The following ACP7 variants were observed in gnomAD, a reference collection of about 807,000 sequenced individuals.
ACP7 encodes acid phosphatase type 7.
A neutral mutation model predicts 60.6 loss-of-function variants in ACP7; 58 were observed. That is an observed-to-expected ratio of 0.96 (90% CI 0.77 to 1.19). The LOEUF is 1.19. ACP7 is among the 50% of genes most tolerant of loss of function. The probability of loss-of-function intolerance (pLI) is 0.00; values close to 1 mark genes in which losing one functional copy is unlikely to be tolerated. For synonymous variants in ACP7, 237 were observed against 232.6 expected, an observed-to-expected ratio of 1.02 and a Z score of -0.17; for missense variants, 574 against 596.2, an observed-to-expected ratio of 0.96 and a Z score of 0.39.
In ACP7 at chr19:39,096,113, G is replaced by A. The variant is rs147074854; in HGVS notation, c.122-2345G>A. On this transcript the variant is annotated intron_variant, in intron 2 of 12. Transcript: ENST00000331256. Reference sequence around the variant, plus strand: ...TTTCCCCATTGTCTTGGGGATGAACGTTCATCTCCTCGTTACTTATGCAAA... The same window carrying A: ...TTTCCCCATTGTCTTGGGGATGAACATTCATCTCCTCGTTACTTATGCAAA... Among the ~76,000 whole-genome samples, 10 of 152,298 alleles carry A rather than the reference G, an allele frequency of 6.6e-5. No homozygotes were observed. In the East Asian group the frequency reaches 1.3e-3, roughly 21 times the overall value.
intron 2 of ACP7, among the ~76,000 whole-genome samples, chr19:39,085,949 T>G (rs11666209): frequency 0.45 from 67,768 of 151,866 alleles, 15,325 homozygotes; most frequent in East Asian, 0.59. Flanking sequence ...AACCTCTCTG[T>G]CCTCAGTCTC....
chr19:39,086,268 C>T (rs2144954589), intron 2 of ACP7, among the ~76,000 whole-genome samples: 1 of 151,938 alleles, frequency 6.6e-6, no homozygotes, highest in Middle Eastern at 3.4e-3. Flanking sequence ...TTCAAGGCTG[C>T]AGTGAGCCAT....
chr19:39,099,109 C>G lies in ACP7; in HGVS notation c.472C>G (p.Gln158Glu). 1 of 1,590,342 alleles carries G rather than the reference C, an allele frequency of 6.3e-7. No homozygotes were observed. The highest frequency in any genetic ancestry group is 8.5e-7 in the Non-Finnish European group (1 of 1,170,282). Residue 158 changes from glutamine to glutamate, a missense_variant, in exon 4 of 13, where the codon CAG (glutamine) becomes GAG (glutamate). By Grantham distance (29) the Gln-to-Glu change is conservative (BLOSUM62 2). Coordinates refer to ENST00000331256, the MANE Select transcript of ACP7 (RefSeq NM_001004318.3). ...KAVPRLRRDT[Q>E]QGMYDAVLHV... is the part of the protein sequence containing the mutation. Reference sequence around the variant, plus strand: ...CGTCCCCCGGCTGCGCAGGGACACCCAGCAGGGCATGTATGACGCCGTTCT... The same window carrying G: ...CGTCCCCCGGCTGCGCAGGGACACCGAGCAGGGCATGTATGACGCCGTTCT...
rs2073308534 is a variant in ACP7, at chr19:39,099,115, G to T, written c.478G>T (p.Gly160Cys). 1 of 1,577,702 alleles carries T rather than the reference G, an allele frequency of 6.3e-7. No homozygotes were observed. Among genetic ancestry groups the T allele is most frequent in the East Asian group, 2.3e-5 (1 of 43,904 alleles). The change falls in exon 4 of 13, where the codon GGC (glycine) becomes TGC (cysteine). Residue 160 changes from glycine (G) to cysteine (C), a missense_variant. Transcript: ENST00000331256. ...VPRLRRDTQQGMYDAVLHVGD... is the reference protein window; with the variant it reads ...VPRLRRDTQQCMYDAVLHVGD... ...CCGGCTGCGCAGGGACACCCAGCAG[G>T]GCATGTATGACGCCGTTCTCCATGT... is the stretch of plus-strand genomic sequence containing the variant.
At chr19:39,092,671 T>C (rs2073216650) in intron 2 of ACP7, among the ~76,000 whole-genome samples, 1 of 152,024 alleles carries the variant, frequency 6.6e-6, no homozygotes, top group Non-Finnish European at 1.5e-5. Flanking sequence ...GTGAGGGAAA[T>C]GTGAAACATG....
chr19:39,092,103 T>A (rs1206906296), intron 2 of ACP7, among the ~76,000 whole-genome samples: 2 of 151,736 alleles, frequency 1.3e-5, no homozygotes, highest in Admixed American at 6.6e-5. Context: ...AAGCATGCGG[T>A]GGCTCACACC....
chr19:39,089,153 T>C (rs985046863), intron 2 of ACP7, among the ~76,000 whole-genome samples: 21 of 152,234 alleles, frequency 1.4e-4, no homozygotes, highest in African/African-American at 4.8e-4. Flanking sequence ...GGTCTCGAAC[T>C]CCTGACCTCA....
chr19:39,093,291 C>T (rs1268097962), intron 2 of ACP7, among the ~76,000 whole-genome samples: 1 of 147,794 alleles, frequency 6.8e-6, no homozygotes, highest in East Asian at 1.9e-4. Flanking sequence ...TGCTCTGTCA[C>T]CCAGGCTGGA....
intron 2 of ACP7, among the ~76,000 whole-genome samples, chr19:39,098,253 C>CAAAAAAA (rs59373149): frequency 8.9e-4 from 58 of 64,948 alleles, no homozygotes; most frequent in Non-Finnish European, 1.3e-3. Flanking sequence ...GACCCTGACT[C>CAAAAAAA]AAAAAAAAAA....
chr19:39,083,904 C>T, upstream of ACP7: 1 of 152,564 alleles, frequency 6.6e-6, no homozygotes, highest in Non-Finnish European at 1.5e-5. Context: ...GTGGGCTCAG[C>T]ATGGAAAGGA....
Position 39,099,151 on chromosome 19 carries a change from T to A in ACP7, c.505+9T>A, listed in dbSNP as rs762811507. 6.7e-7 allele frequency: 1 copy of A among 1,493,020 alleles called. No individual in the cohort carries two copies. Among genetic ancestry groups the A allele is most frequent in the Non-Finnish European group, 8.9e-7 (1 of 1,128,978 alleles). The allele number at this position is 1,493,020 out of a possible 1,614,324, so 92.5% of individuals were successfully genotyped here. On this transcript the variant is annotated intron_variant, in intron 4 of 12. Coordinates refer to ENST00000331256, the MANE Select transcript of ACP7 (RefSeq NM_001004318.3). ...CGCCGTTCTCCATGTGGGTGAGGCA[T>A]CCGCAGGGGCGCGCGCAGGGACGGT...
intron 11 of ACP7, among the ~76,000 whole-genome samples, chr19:39,105,451 G>T (rs2073401413): frequency 6.6e-6 from 1 of 152,176 alleles, no homozygotes; most frequent in South Asian, 2.1e-4. Flanking sequence ...TGATTAGATA[G>T]AAGTTGTGCA....
At chr19:39,089,865 C>G (rs1185346392) in intron 2 of ACP7, among the ~76,000 whole-genome samples, 2 of 152,196 alleles carry the variant, frequency 1.3e-5, no homozygotes, top group African/African-American at 2.4e-5. Flanking sequence ...GTGGCTGTGA[C>G]TTATTGCTGT....
chr19:39,093,364 C>G (rs2073232303), intron 2 of ACP7, among the ~76,000 whole-genome samples: 1 of 151,556 alleles, frequency 6.6e-6, no homozygotes, highest in African/African-American at 2.4e-5. Flanking sequence ...AAGTGATTCT[C>G]CTGCCTCAGC....
intron 11 of ACP7, 83 bp from the exon 12 acceptor site, chr19:39,106,864 C>T: frequency 3.2e-6 from 5 of 1,538,460 alleles, no homozygotes; most frequent in Non-Finnish European, 4.4e-6. Context: ...TTGAGGGCAG[C>T]AGGGTCCTGG....
At position 39,110,471 on chromosome 19, in the gene ACP7, G is replaced by A. The variant is rs1243159899; in HGVS notation, c.*353G>A. ...GGCTCCATGGATTCTGCACATCTGC[G>A]GGGGATGCCGCTGGGCTTCCTCCTC... On this transcript the variant is annotated 3_prime_UTR_variant, in exon 13 of 13. Transcript: ENST00000331256. 3 of 195,576 alleles carry A rather than the reference G, an allele frequency of 1.5e-5. No homozygotes were observed. Among genetic ancestry groups the A allele is most frequent in the South Asian group, 1.5e-4 (1 of 6,796 alleles). 12.1% of individuals were successfully genotyped at this position (195,576 alleles called of 1,614,324 possible).
intron 2 of ACP7, among the ~76,000 whole-genome samples, chr19:39,091,443 G>A (rs1322428623): frequency 1.3e-5 from 2 of 152,098 alleles, no homozygotes; most frequent in South Asian, 2.1e-4. Context: ...TTACAGGCAT[G>A]AGCCACTGTG....
At chr19:39,086,865 A>T (rs899876423) in intron 2 of ACP7, among the ~76,000 whole-genome samples, 2 of 152,246 alleles carry the variant, frequency 1.3e-5, no homozygotes, top group Admixed American at 6.5e-5. Flanking sequence ...GGCATTTAAA[A>T]TTTTTTATTG....
chr19:39,083,967 C>A (rs757799383), upstream of ACP7: 2 of 152,396 alleles, frequency 1.3e-5, no homozygotes, highest in African/African-American at 4.8e-5. Flanking sequence ...GGTTGGGGAT[C>A]CCCCGGTCCT....
Sources: gnomAD v4.1 joint callset for allele counts (sites outside exome capture counted in the v4.1 genomes callset) on GRCh38, gnomAD v4.1.1 for gene constraint, MANE v1.5 for transcripts, NCBI Gene and HGNC (gene_info 2026-07-23, HGNC 2026-07-21) for gene names.